The following CPEB3 variants were observed in gnomAD, a reference collection of about 807,000 sequenced individuals.
The protein encoded by CPEB3 is cytoplasmic polyadenylation element binding protein 3.
CPEB3 carries 20 observed loss-of-function variants against 67.2 expected under a neutral mutation model. The observed-to-expected ratio is 0.30, with a 90% CI of 0.21 to 0.43. The LOEUF is 0.43. Ranked by LOEUF, CPEB3 falls within the 20% of genes least tolerant of loss-of-function variation. The pLI, the probability that CPEB3 is intolerant of heterozygous loss-of-function variation, is 1.00. For synonymous variants in CPEB3, 376 were observed against 393.1 expected (o/e 0.96, Z 0.51); for missense variants, 746 against 968.6 (o/e 0.77, Z 3.05).
intron 4 of CPEB3, among the ~76,000 whole-genome samples, chr10:92,177,649 T>G (rs1246169635): frequency 6.6e-6 from 1 of 152,230 alleles, no homozygotes; most frequent in African/African-American, 2.4e-5. Flanking sequence ...TATCTTTGTC[T>G]TCTAAGCTTC....
At chr10:92,122,433 A>G (rs1845432127) in intron 6 of CPEB3, among the ~76,000 whole-genome samples, 1 of 152,216 alleles carries the variant, frequency 6.6e-6, no homozygotes, top group Admixed American at 6.5e-5. Flanking sequence ...CCTGCAGCGG[A>G]GAGCACTCAC....
At chr10:92,091,261 ACTTAGAT>A (rs1229030095) in intron 8 of CPEB3, among the ~76,000 whole-genome samples, 3 of 152,176 alleles carry the variant, frequency 2.0e-5, no homozygotes, top group Non-Finnish European at 4.4e-5. Context: ...TGCTTCAAAA[ACTTAGAT>A]CTTAGAAATG....
intron 7 of CPEB3, among the ~76,000 whole-genome samples, chr10:92,101,479 G>A (rs1301043797): frequency 1.3e-5 from 2 of 152,096 alleles, no homozygotes; most frequent in Non-Finnish European, 1.5e-5. Context: ...GCTAAACCTA[G>A]GTCTGCTGAC....
At chr10:92,114,453 T>C (rs558599104) in intron 6 of CPEB3, among the ~76,000 whole-genome samples, 36 of 152,336 alleles carry the variant, frequency 2.4e-4, no homozygotes, top group African/African-American at 7.7e-4. Flanking sequence ...AAAAGGTAAA[T>C]TGCACATGGT....
In CPEB3 at chr10:92,239,304, C is replaced by G. The variant is rs1851692062; in HGVS notation, c.1005+42G>C. 1.3e-6 allele frequency: 2 copies of G among 1,572,864 alleles called. No individual in the cohort carries two copies. Among genetic ancestry groups the G allele is most frequent in the Non-Finnish European group, 1.7e-6 (2 of 1,157,304 alleles). ...AAAGTCAGAGAAGTGGCAAAAGGAG[C>G]GGGGCAGAGGGAAGGAGTGTGTAGG... On this transcript the variant is annotated intron_variant, in intron 2 of 9. Transcript: ENST00000265997. This position sits in a 1 kb window ranked among gnomAD's most constrained non-coding sequence, Gnocchi z 6.0.
intron 6 of CPEB3, among the ~76,000 whole-genome samples, chr10:92,112,423 G>A (rs1221939671): frequency 6.6e-6 from 1 of 152,156 alleles, no homozygotes; most frequent in Non-Finnish European, 1.5e-5. Flanking sequence ...GGGATTACAG[G>A]TGTGAGCCAC....
chr10:92,129,332 C>T (rs1018072855), intron 6 of CPEB3, among the ~76,000 whole-genome samples: 5 of 152,048 alleles, frequency 3.3e-5, no homozygotes, highest in African/African-American at 1.2e-4. Flanking sequence ...ACAATAGACA[C>T]TGGGGCCTAT....
At chr10:92,125,916 G>A (rs983365494) in intron 6 of CPEB3, among the ~76,000 whole-genome samples, 5 of 152,002 alleles carry the variant, frequency 3.3e-5, no homozygotes, top group Admixed American at 1.3e-4. Context: ...CAGAGATGGC[G>A]TTTCACCATG....
At position 92,077,430 on chromosome 10, in the gene CPEB3, A is replaced by C. The variant is rs555770240; in HGVS notation, c.1869+3890T>G. On this transcript the variant is annotated intron_variant, in intron 9 of 9. Transcript: ENST00000265997. ...GAACAGTGAAAAAGAGCCCAACTCA[A>C]GATGGAAGTTGGCTTGCGTCTCTCA... Among the ~76,000 whole-genome samples, 18 of 152,306 alleles carry C rather than the reference A, an allele frequency of 1.2e-4. No individual in the cohort carries two copies. In the South Asian group the frequency reaches 3.7e-3, roughly 32 times the overall value.
intron 8 of CPEB3, among the ~76,000 whole-genome samples, chr10:92,082,677 T>G (rs1843204894): frequency 6.6e-6 from 1 of 152,156 alleles, no homozygotes; most frequent in African/African-American, 2.4e-5. Flanking sequence ...TGAAGGTAAT[T>G]GTTTACTTGA....
intron 1 of CPEB3, among the ~76,000 whole-genome samples, chr10:92,244,270 C>T (rs1055286532): frequency 6.6e-6 from 1 of 151,258 alleles, no homozygotes; most frequent in Non-Finnish European, 1.5e-5. Flanking sequence ...TCGCTTGAAC[C>T]TGGGAGGTAG....
intron 1 of CPEB3, among the ~76,000 whole-genome samples, chr10:92,273,310 A>C (rs1853383634): frequency 6.6e-6 from 1 of 152,144 alleles, no homozygotes; most frequent in South Asian, 2.1e-4. Context: ...ACTGATAATA[A>C]GTTTATTATT....
intron 1 of CPEB3, among the ~76,000 whole-genome samples, chr10:92,277,225 C>T (rs1306643955): frequency 6.6e-6 from 1 of 152,156 alleles, no homozygotes; most frequent in Non-Finnish European, 1.5e-5. Context: ...AATCCCTGGT[C>T]ATGTAGATTT....
chr10:92,154,832 G>A (rs569554443), intron 4 of CPEB3, among the ~76,000 whole-genome samples: 1 of 152,310 alleles, frequency 6.6e-6, no homozygotes, highest in African/African-American at 2.4e-5. Context: ...CTTATCAGGA[G>A]AGGTGTAAAA....
intron 1 of CPEB3, among the ~76,000 whole-genome samples, chr10:92,276,266 T>G (rs544868728): frequency 6.7e-6 from 1 of 148,374 alleles, no homozygotes; most frequent in African/African-American, 2.5e-5. Flanking sequence ...AATGCTGCTT[T>G]TTTTTCTTTT....
intron 4 of CPEB3, among the ~76,000 whole-genome samples, chr10:92,170,602 T>C (rs2134014675): frequency 8.0e-6 from 1 of 125,358 alleles, no homozygotes; most frequent in East Asian, 2.2e-4. Flanking sequence ...AATGAAACAA[T>C]AACTGATGAA....
chr10:92,155,753 T>C (rs1847178105), intron 4 of CPEB3, among the ~76,000 whole-genome samples: 1 of 152,154 alleles, frequency 6.6e-6, no homozygotes, highest in South Asian at 2.1e-4. Flanking sequence ...GACCAAGTCA[T>C]TCTAGGAAAT....
chr10:92,192,390 AAAAC>A (rs1849021066), intron 3 of CPEB3, 83 bp downstream of exon 3: 6 of 1,343,532 alleles, frequency 4.5e-6, no homozygotes, highest in Admixed American at 2.2e-5. Context: ...AAGCAAACAA[AAAAC>A]AAACCAGAAA....
At chr10:92,070,155 A>G (rs1326716653) in intron 9 of CPEB3, among the ~76,000 whole-genome samples, 1 of 152,230 alleles carries the variant, frequency 6.6e-6, no homozygotes, top group African/African-American at 2.4e-5. Flanking sequence ...TCTCTAAAAC[A>G]TTATTTCCAA....
Sources: gnomAD v4.1 joint callset for allele counts (sites outside exome capture counted in the v4.1 genomes callset) on GRCh38, gnomAD v4.1.1 for gene constraint, Gnocchi (gnomAD v3.1) non-coding constraint, MANE v1.5 for transcripts, NCBI Gene and HGNC (gene_info 2026-07-23, HGNC 2026-07-21) for gene names.